The following CRTAC1 variants were observed in gnomAD, a reference collection of about 807,000 sequenced individuals.
CRTAC1 encodes cartilage acidic protein 1.
CRTAC1 carries 37 observed loss-of-function variants against 67.8 expected under a neutral mutation model. The ratio of observed to expected loss-of-function variants is 0.55; its 90% CI spans 0.42 to 0.72. CRTAC1 has a LOEUF of 0.72. CRTAC1 is among the 30% of genes least tolerant of loss of function. The pLI, the probability that CRTAC1 is intolerant of heterozygous loss-of-function variation, is 0.00. For synonymous variants in CRTAC1, 348 were observed against 371.0 expected (o/e 0.94, Z 0.71); for missense variants, 780 against 931.6 (o/e 0.84, Z 2.12).
chr10:97,996,630 T>C (rs1436935795), intron 2 of CRTAC1, among the ~76,000 whole-genome samples: 3 of 152,236 alleles, frequency 2.0e-5, no homozygotes, highest in African/African-American at 7.2e-5. Flanking sequence ...TTTTACACTG[T>C]TGGTGGGACT....
chr10:97,907,341 C>T (rs1238950772), intron 6 of CRTAC1, among the ~76,000 whole-genome samples: 5 of 150,110 alleles, frequency 3.3e-5, no homozygotes, highest in East Asian at 2.0e-4. Context: ...GGCTAAACGA[C>T]GTTCTGCAGG....
intron 11 of CRTAC1, among the ~76,000 whole-genome samples, chr10:97,889,925 C>T (rs948258976): frequency 6.6e-6 from 1 of 152,142 alleles, no homozygotes; most frequent in Non-Finnish European, 1.5e-5. Flanking sequence ...TTGACATTCC[C>T]GCTTCTCACC....
In CRTAC1 at chr10:97,991,099, C is replaced by CAAAAAAAAAA. The variant is rs757267901; in HGVS notation, c.224+20029_224+20038dup. On this transcript the variant is annotated intron_variant, in intron 2 of 14. Coordinates refer to ENST00000370597, the MANE Select transcript of CRTAC1 (RefSeq NM_018058.7). ...GGCAACATACGAGAAACCATCTCTACAAAAAAAAAAAAAAAAAAAAAAAAA... is the reference window on the plus strand; with the variant it reads ...GGCAACATACGAGAAACCATCTCTACAAAAAAAAAAAAAAAAAAAAAAAAAAAAAAAAAAA... 5.1e-3 allele frequency among the ~76,000 whole-genome samples: 91 copies of CAAAAAAAAAA among 17,968 alleles called. 4 individuals carry two copies. Among genetic ancestry groups the CAAAAAAAAAA allele is most frequent in the African/African-American group, 9.4e-3 (50 of 5,332 alleles). The allele number at this position is 17,968 out of a possible 152,430, so 11.8% of individuals were successfully genotyped here. A position where few individuals can be genotyped will look rare whatever the true frequency, so the allele number is the denominator to read the frequency against.
At chr10:98,012,786 T>C (rs530263739) in intron 1 of CRTAC1, among the ~76,000 whole-genome samples, 2 of 152,274 alleles carry the variant, frequency 1.3e-5, no homozygotes, top group East Asian at 1.9e-4. Context: ...AAGGCTCCAA[T>C]TGCAGGGCAG....
At position 97,880,387 on chromosome 10, in the gene CRTAC1, T is replaced by C; in HGVS notation, c.1681A>G (p.Asn561Asp). ...QQENGHCMDTNECIQFPFVCP... is the reference protein window; with the variant it reads ...QQENGHCMDTDECIQFPFVCP... ...ACGAATGGGAACTGGATGCATTCAT[T>C]GGTGTCTGCAAGGCGAGGGGAACCA... Residue 561 changes from asparagine (N) to aspartate (D), a missense_variant, in exon 14 of 15, where the codon AAT (asparagine) becomes GAT (aspartate). Coordinates refer to ENST00000370597, the MANE Select transcript of CRTAC1 (RefSeq NM_018058.7). 6.2e-7 allele frequency: 1 copy of C among 1,613,450 alleles called. No individual in the cohort carries two copies. The highest frequency in any genetic ancestry group is 8.5e-7 in the Non-Finnish European group (1 of 1,179,418).
chr10:97,877,910 A>T (rs2050166088), intron 14 of CRTAC1, among the ~76,000 whole-genome samples: 1 of 152,114 alleles, frequency 6.6e-6, no homozygotes, highest in Non-Finnish European at 1.5e-5. Context: ...CTTGTCCCTT[A>T]TTTCTTGTGC....
intron 3 of CRTAC1, among the ~76,000 whole-genome samples, chr10:97,931,319 A>G (rs2147882): frequency 0.79 from 119,802 of 152,172 alleles, 49,066 homozygotes; most frequent in Non-Finnish European, 0.89. Context: ...TTCATTTGAG[A>G]CAGTAATTCT....
At chr10:97,871,478 T>G (rs557982670) in intron 14 of CRTAC1, 1 of 152,376 alleles carries the variant, frequency 6.6e-6, no homozygotes, top group East Asian at 1.9e-4. Flanking sequence ...GATGGCCTCA[T>G]GATGTAGATT....
At chr10:97,893,820 G>A (rs2050412638) in intron 11 of CRTAC1, among the ~76,000 whole-genome samples, 1 of 152,048 alleles carries the variant, frequency 6.6e-6, no homozygotes, top group Non-Finnish European at 1.5e-5. Flanking sequence ...GTCATTTTGA[G>A]AATGTTATGT....
chr10:97,937,802 C>T (rs1043612703), intron 2 of CRTAC1, among the ~76,000 whole-genome samples: 56 of 152,152 alleles, frequency 3.7e-4, no homozygotes, highest in African/African-American at 1.3e-3. Flanking sequence ...GCCAGGTTCT[C>T]CCAAAGAATG....
chr10:97,884,987 C>G (rs2050261000), intron 11 of CRTAC1, among the ~76,000 whole-genome samples: 1 of 152,194 alleles, frequency 6.6e-6, no homozygotes, highest in Admixed American at 6.5e-5. Context: ...CTGCTAAGGG[C>G]CAGGCTCTCT....
At chr10:97,966,172 G>T (rs1211434482) in intron 2 of CRTAC1, among the ~76,000 whole-genome samples, 2 of 152,224 alleles carry the variant, frequency 1.3e-5, no homozygotes, top group Non-Finnish European at 2.9e-5. Flanking sequence ...TCCACCTCCT[G>T]GGTTCAAGCA....
intron 2 of CRTAC1, among the ~76,000 whole-genome samples, chr10:97,971,204 G>A (rs552880239): frequency 3.9e-5 from 6 of 152,178 alleles, no homozygotes; most frequent in Non-Finnish European, 7.3e-5. Context: ...CATACCTTTT[G>A]ATTGATGACT....
chr10:97,927,732 C>T lies in CRTAC1; in HGVS notation c.422-4332G>A, dbSNP rs541379826. On this transcript the variant is annotated intron_variant, in intron 3 of 14. Transcript: ENST00000370597. ...ATGGCAGCCCTTCTGCAGGCAGAGG[C>T]CCGGAGGCCTGGGCGACGGGAGAGA... Among the ~76,000 whole-genome samples the T allele has an allele frequency of 1.7e-4, 26 of 152,356 alleles. No homozygotes were observed. The South Asian group carries it at 4.1e-3, about 24-fold the overall frequency.
chr10:97,969,897 C>T lies in CRTAC1; in HGVS notation c.225-33531G>A, dbSNP rs142411577. Reference sequence around the variant, plus strand: ...ATCAGGGCTTTAAATACCATCTACCCGCTGACAACTCTCAAATTTATATCT... The same window carrying T: ...ATCAGGGCTTTAAATACCATCTACCTGCTGACAACTCTCAAATTTATATCT... On this transcript the variant is annotated intron_variant, in intron 2 of 14. Coordinates refer to ENST00000370597, the MANE Select transcript of CRTAC1 (RefSeq NM_018058.7). Among the ~76,000 whole-genome samples the T allele has an allele frequency of 4.6e-5, 7 of 152,214 alleles. No homozygotes were observed. In the East Asian group the frequency reaches 7.7e-4, roughly 17 times the overall value.
intron 1 of CRTAC1, among the ~76,000 whole-genome samples, chr10:98,027,677 T>C (rs1843265118): frequency 6.6e-6 from 1 of 152,020 alleles, no homozygotes; most frequent in South Asian, 2.1e-4. Context: ...GACCTGTGTA[T>C]GTCCATGACA....
At chr10:98,027,077 G>A (rs1213691633) in intron 1 of CRTAC1, among the ~76,000 whole-genome samples, 1 of 151,808 alleles carries the variant, frequency 6.6e-6, no homozygotes, top group Non-Finnish European at 1.5e-5. Context: ...TGAGGCAGGA[G>A]AATGGCGTGA....
chr10:97,873,099 C>T (rs1226458115), intron 14 of CRTAC1, among the ~76,000 whole-genome samples: 1 of 152,192 alleles, frequency 6.6e-6, no homozygotes, highest in Non-Finnish European at 1.5e-5. Context: ...AGGATTTTAT[C>T]ACTGCCTCTA....
intron 3 of CRTAC1, among the ~76,000 whole-genome samples, chr10:97,930,776 G>T (rs2050991696): frequency 6.6e-6 from 1 of 152,002 alleles, no homozygotes; most frequent in Admixed American, 6.6e-5. Context: ...GGTGACTGAC[G>T]CTCCCTCTCC....
Sources: allele counts gnomAD v4.1 joint callset (sites outside exome capture counted in the v4.1 genomes callset), GRCh38; gene constraint gnomAD v4.1.1; transcripts MANE v1.5; gene names NCBI Gene and HGNC (gene_info 2026-07-23, HGNC 2026-07-21).